CFAP77: variants seen among roughly 807,000 people sequenced by gnomAD.
CFAP77 encodes the protein cilia and flagella associated protein 77, also known as cilia- and flagella-associated protein 77.
Under a neutral mutation model 31.1 loss-of-function variants are expected in CFAP77, and 25 were observed. The ratio of observed to expected loss-of-function variants is 0.80; its 90% CI spans 0.59 to 1.12. The LOEUF is 1.12. Ranked by LOEUF, CFAP77 falls within the 50% of genes most tolerant of loss-of-function variation. CFAP77 has a pLI of 0.00. For missense variants in CFAP77, 377 were observed against 397.3 expected (o/e 0.95, Z 0.44); for synonymous variants, 151 against 159.9 (o/e 0.94, Z 0.42).
chr9:132,412,306 G>T (rs1043222663), intron 1 of CFAP77, among the ~76,000 whole-genome samples: 1 of 152,210 alleles, frequency 6.6e-6, no homozygotes, highest in African/African-American at 2.4e-5. Context: ...TGGAGCCTGG[G>T]GTTCTCTTCT....
chr9:132,521,762 CTTT>C (rs774087426), intron 3 of CFAP77, among the ~76,000 whole-genome samples: 8 of 62,562 alleles, frequency 1.3e-4, no homozygotes, highest in African/African-American at 3.8e-4. Flanking sequence ...AATAGACTTG[CTTT>C]TTTTTTTTTT....
intron 4 of CFAP77, among the ~76,000 whole-genome samples, chr9:132,540,698 T>A (rs1852625335): frequency 6.6e-6 from 1 of 152,304 alleles, no homozygotes; most frequent in African/African-American, 2.4e-5. Flanking sequence ...AAGGATTGGA[T>A]GAATAGTGTG....
chr9:132,453,481 A>C (rs1235685479), intron 1 of CFAP77, among the ~76,000 whole-genome samples: 2 of 152,192 alleles, frequency 1.3e-5, no homozygotes, highest in Non-Finnish European at 2.9e-5. Context: ...AGCTGAGATC[A>C]CGCCATTGCA....
rs538207508 is a variant in CFAP77 at position 132,422,821 on chromosome 9, ACACTCC to A, written c.195+12358_195+12363del. Among the ~76,000 whole-genome samples the A allele has an allele frequency of 1.7e-3, 261 of 152,314 alleles. 4 individuals carry two copies. In the South Asian group the frequency reaches 0.033, roughly 19 times the overall value. ...GGTGACAACAGGCGGACAAAGGGAT[ACACTCC>A]CAGTGGCAGCGTGCTGCGATGTGAC... On this transcript the variant is annotated intron_variant, in intron 1 of 5. Coordinates refer to ENST00000393216, the MANE Select transcript of CFAP77 (RefSeq NM_001282957.2).
At chr9:132,435,403 G>T (rs192329940) in intron 1 of CFAP77, among the ~76,000 whole-genome samples, 5 of 152,352 alleles carry the variant, frequency 3.3e-5, no homozygotes, top group Admixed American at 2.0e-4. Context: ...GCTCTGCCCA[G>T]GATGAGCTAT....
intron 5 of CFAP77, 44 bp from the exon 6 acceptor site, chr9:132,572,344 C>T (rs1829968840): frequency 6.3e-7 from 1 of 1,598,036 alleles, no homozygotes; most frequent in Non-Finnish European, 8.5e-7. Flanking sequence ...ATGAGCTACA[C>T]TGAAGTCTCC....
In CFAP77 at chr9:132,494,127, G is replaced by T. The variant is rs1851699060; in HGVS notation, c.196-4568G>T. On this transcript the variant is annotated intron_variant, in intron 1 of 5. Coordinates refer to ENST00000393216, the MANE Select transcript of CFAP77 (RefSeq NM_001282957.2). Reference sequence around the variant, plus strand: ...GGGTTTTGCTATATTGCCCAGGATGGTCTCAAATTCCTGGGCTCAAATTGT... The same window carrying T: ...GGGTTTTGCTATATTGCCCAGGATGTTCTCAAATTCCTGGGCTCAAATTGT... 2.6e-5 allele frequency among the ~76,000 whole-genome samples: 4 copies of T among 152,136 alleles called. No homozygotes were observed. In the South Asian group the frequency reaches 8.3e-4, roughly 32 times the overall value.
rs551845041 is a variant in CFAP77, at chr9:132,481,508, T to C, written c.196-17187T>C. Reference sequence around the variant, plus strand: ...GCTCAAGGTACCGAGCACAGTGGCTTGCACCCCGTCGGTGGCTGCTGCCCC... The same window carrying C: ...GCTCAAGGTACCGAGCACAGTGGCTCGCACCCCGTCGGTGGCTGCTGCCCC... On this transcript the variant is annotated intron_variant, in intron 1 of 5. Coordinates refer to ENST00000393216, the MANE Select transcript of CFAP77 (RefSeq NM_001282957.2). This position sits in a 1 kb window ranked among gnomAD's most constrained non-coding sequence, Gnocchi z 5.0. Among the ~76,000 whole-genome samples, 44 of 152,364 alleles carry C rather than the reference T, an allele frequency of 2.9e-4. 1 individual carries two copies. Among genetic ancestry groups the C allele is most frequent in the African/African-American group, 1.0e-3 (42 of 41,586 alleles).
At chr9:132,476,845 T>G (rs1851353679) in intron 1 of CFAP77, among the ~76,000 whole-genome samples, 1 of 152,168 alleles carries the variant, frequency 6.6e-6, no homozygotes, top group Non-Finnish European at 1.5e-5. Context: ...GAACCACTGC[T>G]GCTAACACCT....
Position 132,559,346 on chromosome 9 carries a change from C to CAAAAAAAAAAAAAAA in CFAP77, c.733-13036_733-13022dup, listed in dbSNP as rs35737685. Among the ~76,000 whole-genome samples the CAAAAAAAAAAAAAAA allele has an allele frequency of 4.9e-3, 277 of 56,078 alleles. 25 individuals carry two copies. The highest frequency in any genetic ancestry group is 0.019 in the African/African-American group (226 of 12,214). 36.8% of individuals were successfully genotyped at this position (56,078 alleles called of 152,430 possible). A position where few individuals can be genotyped will look rare whatever the true frequency, so the allele number is the denominator to read the frequency against. On this transcript the variant is annotated intron_variant, in intron 5 of 5. Transcript: ENST00000393216. ...CGCGTCAGAGTGAGACTCTGTCTTG[C>CAAAAAAAAAAAAAAA]AAAAAAAAAAAAAAAAAAAAGGCAA...
chr9:132,537,505 C>T, intron 3 of CFAP77, 96 bp from the exon 4 acceptor site: 1 of 818,290 alleles, frequency 1.2e-6, no homozygotes, highest in Non-Finnish European at 2.0e-6. Context: ...CCCCACAGCC[C>T]CTGACGTTTA....
intron 1 of CFAP77, among the ~76,000 whole-genome samples, chr9:132,417,787 T>C (rs1043214097): frequency 6.6e-6 from 1 of 152,256 alleles, no homozygotes; most frequent in African/African-American, 2.4e-5. Context: ...TTCTCAAAGC[T>C]ACCTTATTGT....
chr9:132,538,507 C>T (rs926829514), intron 4 of CFAP77, among the ~76,000 whole-genome samples: 4 of 152,212 alleles, frequency 2.6e-5, no homozygotes, highest in African/African-American at 7.2e-5. Flanking sequence ...TACTCAAGGC[C>T]GGGCGCGGTG....
At chr9:132,436,584 C>A (rs796540119) in intron 1 of CFAP77, among the ~76,000 whole-genome samples, 41 of 152,216 alleles carry the variant, frequency 2.7e-4, no homozygotes, top group African/African-American at 9.1e-4. Flanking sequence ...CTAGTTTTTT[C>A]ATGGCATGAA....
chr9:132,436,248 G>C (rs1300501730), intron 1 of CFAP77, among the ~76,000 whole-genome samples: 1 of 152,236 alleles, frequency 6.6e-6, no homozygotes, highest in Non-Finnish European at 1.5e-5. Flanking sequence ...GTGGCTCCAG[G>C]TGTTCTTGAC....
rs536987336 is a variant in CFAP77, at chr9:132,461,570, T to C, written c.196-37125T>C. Among the ~76,000 whole-genome samples, 5 of 152,334 alleles carry C rather than the reference T, an allele frequency of 3.3e-5. No individual in the cohort carries two copies. The East Asian group carries it at 9.6e-4, about 29-fold the overall frequency. Reference sequence around the variant, plus strand: ...CAGGGAAGCTATAAATCTAGAGCTTTAATCATGTCTTCATGATCATTCAGC... The same window carrying C: ...CAGGGAAGCTATAAATCTAGAGCTTCAATCATGTCTTCATGATCATTCAGC... On this transcript the variant is annotated intron_variant, in intron 1 of 5. Coordinates refer to ENST00000393216, the MANE Select transcript of CFAP77 (RefSeq NM_001282957.2).
chr9:132,414,083 C>T (rs925399501), intron 1 of CFAP77, among the ~76,000 whole-genome samples: 4 of 152,212 alleles, frequency 2.6e-5, no homozygotes, highest in Non-Finnish European at 5.9e-5. Context: ...TCCAGCCCCA[C>T]GTTCTTTTGG....
chr9:132,468,973 G>A (rs1485175468), intron 1 of CFAP77, among the ~76,000 whole-genome samples: 1 of 152,162 alleles, frequency 6.6e-6, no homozygotes, highest in Non-Finnish European at 1.5e-5. Context: ...TGGGGAAAGA[G>A]ACCTGAAGAA....
chr9:132,508,176 T>TGACA (rs1022965770), intron 3 of CFAP77, among the ~76,000 whole-genome samples: 1 of 152,182 alleles, frequency 6.6e-6, no homozygotes, highest in Non-Finnish European at 1.5e-5. Flanking sequence ...AAGCCAGAGA[T>TGACA]GACACTTCAT....
Sources: gnomAD v4.1 joint callset for allele counts (sites outside exome capture counted in the v4.1 genomes callset) on GRCh38, gnomAD v4.1.1 for gene constraint, Gnocchi (gnomAD v3.1) non-coding constraint, MANE v1.5 for transcripts, NCBI Gene and HGNC (gene_info 2026-07-23, HGNC 2026-07-21) for gene names.